HDAC6: variants seen among roughly 807,000 people sequenced by gnomAD.
HDAC6 encodes protein deacetylase HDAC6.
A neutral mutation model predicts 88.9 loss-of-function variants in HDAC6; 5 were observed. That is an observed-to-expected ratio of 0.06 (90% CI 0.03 to 0.12). The LOEUF (loss-of-function observed/expected upper bound fraction) is 0.12, where lower values mean the gene tolerates loss of function less well. Among genes scored for constraint, HDAC6 ranks in the 10% least tolerant of loss-of-function variants. The pLI, the probability that HDAC6 is intolerant of heterozygous loss-of-function variation, is 1.00. For missense variants in HDAC6, 706 were observed against 1,014.4 expected (o/e 0.70, Z 4.13); for synonymous variants, 378 against 398.0 (o/e 0.95, Z 0.60).
intron 23 of HDAC6, among the ~76,000 whole-genome samples, chrX:48,821,773 G>A (rs1024293813): frequency 9.0e-6 from 1 of 111,725 alleles, no homozygotes; most frequent in Admixed American, 9.5e-5. Flanking sequence ...CTCCCAAAGT[G>A]CTGGGATTAT....
chrX:48,821,382 G>A (rs1443211734), intron 23 of HDAC6, among the ~76,000 whole-genome samples: 1 of 107,895 alleles, frequency 9.3e-6, no homozygotes, highest in East Asian at 2.9e-4. Context: ...TAGTAGAGAC[G>A]GGGTTTCACC....
intron 1 of HDAC6, 135 bp from the exon 2 acceptor site, chrX:48,802,528 G>T: frequency 1.8e-6 from 2 of 1,103,799 alleles, no homozygotes; most frequent in Non-Finnish European, 2.4e-6. Context: ...GCGGAGTTTG[G>T]AAGGCTGTGG....
In HDAC6 at chrX:48,818,037, C is replaced by A; in HGVS notation, c.1926-4C>A. On this transcript the variant is annotated splice_polypyrimidine_tract_variant and splice_region_variant and intron_variant, in intron 20 of 28. Transcript: ENST00000334136. ...CGGTTACTGAGGTGCTGTCTCCTCC[C>A]CAGGATCCTGATTGTGGATTGGGAT... is the stretch of plus-strand genomic sequence containing the variant. 8.4e-7 allele frequency: 1 copy of A among 1,192,277 alleles called. No individual in the cohort carries two copies.
At position 48,805,464 on chromosome X, in the gene HDAC6, A is replaced by G. The variant is rs376813905; in HGVS notation, c.338A>G (p.His113Arg). Residue 113 changes from histidine (H) to arginine (R), a missense_variant, in exon 5 of 29, where the codon CAT becomes CGT. Around this residue, in one of 9 missense-constraint regions of HDAC6, gnomAD observed 193 missense variants for 258.2 expected, o/e 0.75. Transcript: ENST00000334136. ...DSFPEGPERL[H>R]AIKEQLIQEG... ...TTCCCGGAAGGCCCTGAGCGGCTCC[A>G]TGCCATCAAGGAGCAACTGATCCAG... The G allele has an allele frequency of 5.0e-6, 6 of 1,209,782 alleles. No individual in the cohort carries two copies. The highest frequency in any genetic ancestry group is 6.7e-6 in the Non-Finnish European group (6 of 894,009).
Position 48,805,703 on chromosome X carries a change from A to T in HDAC6, c.437+32A>T, listed in dbSNP as rs151284143. ...GCTTGGGAGCCTTGTAGGGATGGGG[A>T]GGAGCCTGCCCTGGACAAACCAGGG... On this transcript the variant is annotated intron_variant, in intron 6 of 28. Coordinates refer to ENST00000334136, the MANE Select transcript of HDAC6 (RefSeq NM_006044.4). The T allele has an allele frequency of 8.5e-4, 953 of 1,120,733 alleles. 8 individuals are homozygous for T. In the African/African-American group the frequency reaches 0.016, roughly 19 times the overall value. The allele number at this position is 1,120,733 out of a possible 1,213,427, so 92.4% of individuals were successfully genotyped here. A position where few individuals can be genotyped will look rare whatever the true frequency, so the allele number is the denominator to read the frequency against.
In HDAC6 at chrX:48,802,855, T is replaced by C. The variant is rs1230665563; in HGVS notation, c.94-16T>C. 10 of 1,206,213 alleles carry C rather than the reference T, an allele frequency of 8.3e-6. No individual in the cohort carries two copies. The African/African-American group carries it at 1.6e-4, about 19-fold the overall frequency. On this transcript the variant is annotated splice_polypyrimidine_tract_variant and intron_variant, in intron 2 of 28. Coordinates refer to ENST00000334136, the MANE Select transcript of HDAC6 (RefSeq NM_006044.4). The stretch of plus-strand genomic sequence containing the variant: ...TGGTCATGCCCTGGACTCTGACCCT[T>C]CTCTCTGATTCACAGAAGCGAAATA...
rs2063141316 is a variant in HDAC6, at chrX:48,824,865, C to T, written c.*253C>T. 8.9e-7 allele frequency: 1 copy of T among 1,121,036 alleles called. No homozygotes were observed. Among genetic ancestry groups the T allele is most frequent in the Non-Finnish European group, 1.2e-6 (1 of 852,190 alleles). The allele number at this position is 1,121,036 out of a possible 1,213,427, so 92.4% of individuals were successfully genotyped here. On this transcript the variant is annotated 3_prime_UTR_variant, in exon 29 of 29. Transcript: ENST00000334136. ...CCAGCCCAGAAGGAAAGGGGGGCAG[C>T]TCAGTGGCCCCAAGAGGGAGCTGAT...
intron 23 of HDAC6, among the ~76,000 whole-genome samples, chrX:48,822,302 GATTGAGTTA>G (rs1191751328): frequency 8.9e-6 from 1 of 112,086 alleles, no homozygotes; most frequent in African/African-American, 3.2e-5. Flanking sequence ...TGGTTGTGAG[GATTGAGTTA>G]ATATGCATGA....
intron 28 of HDAC6, 23 bp downstream of exon 28, chrX:48,824,317 G>A (rs2063132424): frequency 8.3e-7 from 1 of 1,199,296 alleles, no homozygotes; most frequent in Non-Finnish European, 1.1e-6. Context: ...TAGACCCTTC[G>A]ACACGTGCAC....
At position 48,805,375 on chromosome X, in the gene HDAC6, G is replaced by A. The variant is rs1416350160; in HGVS notation, c.312-63G>A. The A allele has an allele frequency of 5.9e-6, 5 of 850,168 alleles. No homozygotes were observed. The African/African-American group carries it at 1.0e-4, about 17-fold the overall frequency. The allele number at this position is 850,168 out of a possible 1,213,427, so 70.1% of individuals were successfully genotyped here. A position where few individuals can be genotyped will look rare whatever the true frequency, so the allele number is the denominator to read the frequency against. ...GGAAGGGTGGATGGGGAGATGTGGAGAGAACAGATGTGGAGCTCCCCAGTG... is the reference window on the plus strand; with the variant it reads ...GGAAGGGTGGATGGGGAGATGTGGAAAGAACAGATGTGGAGCTCCCCAGTG... On this transcript the variant is annotated intron_variant, in intron 4 of 28. Coordinates refer to ENST00000334136, the MANE Select transcript of HDAC6 (RefSeq NM_006044.4).
chrX:48,824,926 TG>T lies in HDAC6; in HGVS notation c.*316del. 9.4e-7 allele frequency: 1 copy of T among 1,065,943 alleles called. No individual in the cohort carries two copies. Among genetic ancestry groups the T allele is most frequent in the Non-Finnish European group, 1.2e-6 (1 of 816,482 alleles). 87.8% of individuals were successfully genotyped at this position (1,065,943 alleles called of 1,213,427 possible). On this transcript the variant is annotated 3_prime_UTR_variant, in exon 29 of 29. Coordinates refer to ENST00000334136, the MANE Select transcript of HDAC6 (RefSeq NM_006044.4). Reference sequence around the variant, plus strand: ...TAACATTGGCGGGAGGGGAGTTAACTGGCAGGCATGGCAAGGTTGCATATGT... The same window carrying T: ...TAACATTGGCGGGAGGGGAGTTAACTGCAGGCATGGCAAGGTTGCATATGT...
At chrX:48,811,835 TC>T (rs782138984) in intron 10 of HDAC6, among the ~76,000 whole-genome samples, 1 of 112,207 alleles carries the variant, frequency 8.9e-6, no homozygotes, top group Non-Finnish European at 1.9e-5. Flanking sequence ...TTTATTTTGT[TC>T]ATTTCTGGCT....
intron 19 of HDAC6, 64 bp downstream of exon 19, chrX:48,816,697 T>A (rs2062990314): frequency 9.4e-7 from 1 of 1,060,599 alleles, no homozygotes; most frequent in Admixed American, 2.6e-5. Context: ...AGCCATCTGC[T>A]GTTTCTGGAG....
In HDAC6 at chrX:48,806,297, G is replaced by A. The variant is rs2062815812; in HGVS notation, c.438-71G>A. On this transcript the variant is annotated intron_variant, in intron 6 of 28. Transcript: ENST00000334136. ...GGGAGCCAAGCCCTAATTTGACCAG[G>A]GGGTTGGTGTATGGACAGCTCAGTT... 8 of 647,457 alleles carry A rather than the reference G, an allele frequency of 1.2e-5. No homozygotes were observed. In the Admixed American group the frequency reaches 1.4e-4, roughly 11 times the overall value. The allele number at this position is 647,457 out of a possible 1,213,427, so 53.4% of individuals were successfully genotyped here. A position where few individuals can be genotyped will look rare whatever the true frequency, so the allele number is the denominator to read the frequency against.
chrX:48,820,359 C>G, intron 23 of HDAC6, 104 bp downstream of exon 23: 2 of 738,530 alleles, frequency 2.7e-6, no homozygotes, highest in East Asian at 6.8e-5. Flanking sequence ...GTGTCCCTGC[C>G]TGGGATTGTT....
chrX:48,808,561 TCA>T (rs1602245046), intron 10 of HDAC6, among the ~76,000 whole-genome samples: 1 of 111,713 alleles, frequency 9.0e-6, no homozygotes, highest in Non-Finnish European at 1.9e-5. Flanking sequence ...CGTTAAGAGG[TCA>T]CACAGAGAAG....
At chrX:48,811,598 C>A (rs2062902679) in intron 10 of HDAC6, among the ~76,000 whole-genome samples, 1 of 111,777 alleles carries the variant, frequency 8.9e-6, no homozygotes, top group Admixed American at 9.5e-5. Flanking sequence ...TGGGCAAGGA[C>A]CCGGGCATTA....
In HDAC6 at chrX:48,823,366, A is replaced by G. The variant is rs782690281; in HGVS notation, c.2967A>G (p.Thr989=). ...TTSEEAVGGA[T]LAQTTSEAAM... is the part of the protein sequence containing the mutation. ...CAGAGGAGGCTGTAGGAGGAGCTAC[A>G]CTGGCCCAGACCACCTCGGAGGCAG... The change falls in exon 25 of 29, where the codon ACA becomes ACG. Residue 989 remains threonine, a synonymous_variant. Transcript: ENST00000334136. 1 of 1,205,425 alleles carries G rather than the reference A, an allele frequency of 8.3e-7. No individual in the cohort carries two copies. The highest frequency in any genetic ancestry group is 2.2e-5 in the Admixed American group (1 of 45,433).
intron 10 of HDAC6, chrX:48,814,192 T>G (rs2062944916): frequency 5.3e-6 from 2 of 379,720 alleles, no homozygotes; most frequent in Non-Finnish European, 9.2e-6. Flanking sequence ...GCGAGTGAGG[T>G]AATGGATAAA....
Sources: gnomAD v4.1 joint callset for allele counts (sites outside exome capture counted in the v4.1 genomes callset) on GRCh38, gnomAD v4.1.1 for gene constraint, gnomAD v4.1.1 regional missense constraint, MANE v1.5 for transcripts, NCBI Gene and HGNC (gene_info 2026-07-23, HGNC 2026-07-21) for gene names.